Variants in PRCC observed in about 807,000 individuals in gnomAD.
PRCC encodes the protein proline-rich protein PRCC.
A neutral mutation model predicts 44.0 loss-of-function variants in PRCC; 10 were observed. That is an observed-to-expected ratio of 0.23 (90% CI 0.14 to 0.39). The LOEUF (loss-of-function observed/expected upper bound fraction) is 0.39, where lower values mean the gene tolerates loss of function less well. PRCC is among the 10% of genes least tolerant of loss of function. The pLI is 1.00. For synonymous variants in PRCC, 278 were observed against 259.5 expected (o/e 1.07, Z -0.69); for missense variants, 573 against 624.7 (o/e 0.92, Z 0.88).
rs776823492 is a variant in PRCC, at chr1:156,796,210, ATG to A, written c.1324-1060_1324-1059del. The A allele has an allele frequency of 1.2e-4, 18 of 152,368 alleles. No individual in the cohort carries two copies. In the South Asian group the frequency reaches 1.7e-3, roughly 14 times the overall value. The allele number at this position is 152,368 out of a possible 1,614,324, so 9.4% of individuals were successfully genotyped here. A position where few individuals can be genotyped will look rare whatever the true frequency, so the allele number is the denominator to read the frequency against. ...GGCCAGGAATGGAGCTGGATGTTTT[ATG>A]TGTGTCATCTTTAACTGTCACATTA... On this transcript the variant is annotated intron_variant, in intron 5 of 6. Coordinates refer to ENST00000271526, the MANE Select transcript of PRCC (RefSeq NM_005973.5).
At chr1:156,772,534 C>G (rs1421095036) in intron 1 of PRCC, among the ~76,000 whole-genome samples, 2 of 152,144 alleles carry the variant, frequency 1.3e-5, no homozygotes, top group Admixed American at 6.5e-5. Context: ...GCAGACTTCT[C>G]CTAGCATATG....
At chr1:156,779,146 T>A (rs1172206450) in intron 1 of PRCC, among the ~76,000 whole-genome samples, 33 of 88,030 alleles carry the variant, frequency 3.7e-4, no homozygotes, top group East Asian at 6.0e-4. Flanking sequence ...TTTTTTTTTT[T>A]TTTTTTTTTT....
intron 1 of PRCC, among the ~76,000 whole-genome samples, chr1:156,778,393 T>C (rs59156054): frequency 0.1 from 15,544 of 152,172 alleles, 1,017 homozygotes; most frequent in African/African-American, 0.18. Flanking sequence ...TATTGTTCCA[T>C]TGTGTATAAA....
At chr1:156,784,700 G>A (rs1042720753) in intron 2 of PRCC, among the ~76,000 whole-genome samples, 1 of 152,224 alleles carries the variant, frequency 6.6e-6, no homozygotes, top group African/African-American at 2.4e-5. Context: ...TTTACTCTGG[G>A]CATTTCTTGG....
At chr1:156,800,349 C>T (rs1652794284) in intron 6 of PRCC, 25 bp from the exon 7 acceptor site, 1 of 1,611,280 alleles carries the variant, frequency 6.2e-7, no homozygotes, top group African/African-American at 1.3e-5. Context: ...GTTTGACCCT[C>T]CCCTACCCTT....
intron 1 of PRCC, 95 bp from the exon 2 acceptor site, chr1:156,782,187 C>A: frequency 8.8e-7 from 1 of 1,142,510 alleles, no homozygotes; most frequent in Non-Finnish European, 1.3e-6. Flanking sequence ...GACAAGATGG[C>A]CACTGTTGTC....
chr1:156,768,654 C>A (rs1364360277), intron 1 of PRCC, among the ~76,000 whole-genome samples: 5 of 152,178 alleles, frequency 3.3e-5, no homozygotes, highest in Admixed American at 6.5e-5. Context: ...AAATCTTTTC[C>A]TTGCCTCTGA....
chr1:156,774,905 C>T (rs28834102), intron 1 of PRCC, among the ~76,000 whole-genome samples: 50,950 of 147,504 alleles, frequency 0.35, 10,196 homozygotes, highest in East Asian at 0.73. Flanking sequence ...GAGCCAAGAT[C>T]GTGCCACTGC....
At chr1:156,797,229 T>TA in intron 5 of PRCC, 47 bp from the exon 6 acceptor site, 1 of 1,611,704 alleles carries the variant, frequency 6.2e-7, no homozygotes. Context: ...ATGAGAAACT[T>TA]CTGCTTTCAT....
chr1:156,779,658 C>T (rs572477194), intron 1 of PRCC, among the ~76,000 whole-genome samples: 6 of 152,110 alleles, frequency 3.9e-5, no homozygotes, highest in East Asian at 3.9e-4. Context: ...TGTAAGCCAC[C>T]GGACTGGGCC....
At chr1:156,782,584 C>A (rs1471534739) in intron 2 of PRCC, among the ~76,000 whole-genome samples, 1 of 152,112 alleles carries the variant, frequency 6.6e-6, no homozygotes, top group South Asian at 2.1e-4. Flanking sequence ...TGAATTGTAA[C>A]TCAATTCAGT....
At chr1:156,774,416 G>A (rs1192078581) in intron 1 of PRCC, among the ~76,000 whole-genome samples, 2 of 151,370 alleles carry the variant, frequency 1.3e-5, no homozygotes, top group African/African-American at 4.9e-5. Flanking sequence ...CTCGTGATCC[G>A]CCCGTCTCGG....
At chr1:156,785,528 C>T (rs1652210351) in intron 2 of PRCC, among the ~76,000 whole-genome samples, 1 of 151,802 alleles carries the variant, frequency 6.6e-6, no homozygotes, top group Admixed American at 6.6e-5. Context: ...AAAAAATACC[C>T]TTAGCACTTA....
chr1:156,793,271 A>G (rs1023935287), intron 4 of PRCC, among the ~76,000 whole-genome samples: 1 of 152,204 alleles, frequency 6.6e-6, no homozygotes, highest in Non-Finnish European at 1.5e-5. Context: ...CTGAGAACCC[A>G]GTTAGTGGCA....
intron 5 of PRCC, chr1:156,795,827 A>G (rs1652644458): frequency 6.6e-6 from 1 of 152,068 alleles, no homozygotes; most frequent in Non-Finnish European, 1.5e-5. Context: ...ACATTTCTTC[A>G]CCTAGTAGCT....
rs975697919 is a variant in PRCC at position 156,767,619 on chromosome 1, G to A, written c.-153G>A. 7 of 717,296 alleles carry A rather than the reference G, an allele frequency of 9.8e-6. No homozygotes were observed. The highest frequency in any genetic ancestry group is 1.8e-5 in the African/African-American group (1 of 55,658). The allele number at this position is 717,296 out of a possible 1,614,324, so 44.4% of individuals were successfully genotyped here. A position where few individuals can be genotyped will look rare whatever the true frequency, so the allele number is the denominator to read the frequency against. ...TTCGGTGGAAATCAGCCGTAGCCATGAGTTTCTGCCGGGGCTAGCCCTAGA... is the reference window on the plus strand; with the variant it reads ...TTCGGTGGAAATCAGCCGTAGCCATAAGTTTCTGCCGGGGCTAGCCCTAGA... On this transcript the variant is annotated 5_prime_UTR_variant, in exon 1 of 7. It removes an upstream start codon present in the reference 5' UTR. Coordinates refer to ENST00000271526, the MANE Select transcript of PRCC (RefSeq NM_005973.5).
Position 156,767,562 on chromosome 1 carries a change from G to A in PRCC, c.-210G>A, listed in dbSNP as rs1048230098. ...CCATTAGCTGTGTGTAGTTGCCCGG[G>A]ACTAGGAGCTTAAGTGAAGAGGTAC... On this transcript the variant is annotated 5_prime_UTR_variant, in exon 1 of 7. Coordinates refer to ENST00000271526, the MANE Select transcript of PRCC (RefSeq NM_005973.5). 1.7e-6 allele frequency: 1 copy of A among 589,856 alleles called. No individual in the cohort carries two copies. Among genetic ancestry groups the A allele is most frequent in the East Asian group, 2.9e-5 (1 of 34,212 alleles). 36.5% of individuals were successfully genotyped at this position (589,856 alleles called of 1,614,324 possible).
chr1:156,785,498 G>A (rs2102764276), intron 2 of PRCC, among the ~76,000 whole-genome samples: 1 of 151,330 alleles, frequency 6.6e-6, no homozygotes, highest in African/African-American at 2.4e-5. Flanking sequence ...GGGTGATAGA[G>A]CGAGACTCCG....
At position 156,767,707 on chromosome 1, in the gene PRCC, C is replaced by T; in HGVS notation, c.-65C>T. 6.8e-7 allele frequency: 1 copy of T among 1,475,526 alleles called. No homozygotes were observed. Among genetic ancestry groups the T allele is most frequent in the Non-Finnish European group, 9.0e-7 (1 of 1,106,134 alleles). 91.4% of individuals were successfully genotyped at this position (1,475,526 alleles called of 1,614,324 possible). A position where few individuals can be genotyped will look rare whatever the true frequency, so the allele number is the denominator to read the frequency against. On this transcript the variant is annotated 5_prime_UTR_variant, in exon 1 of 7. Coordinates refer to ENST00000271526, the MANE Select transcript of PRCC (RefSeq NM_005973.5). ...CAGGTGGCGGGGCCTACTAGGCCTC[C>T]GGGCATCCCCGGTCTCAAGTAGGCC... is the stretch of plus-strand genomic sequence containing the variant.
Sources: allele counts gnomAD v4.1 joint callset (sites outside exome capture counted in the v4.1 genomes callset), GRCh38; gene constraint gnomAD v4.1.1; transcripts MANE v1.5; gene names NCBI Gene and HGNC (gene_info 2026-07-23, HGNC 2026-07-21).